The following ATP6V0E1 variants were observed in gnomAD, a reference collection of about 807,000 sequenced individuals.
ATP6V0E1 encodes the protein V-type proton ATPase subunit e 1.
Under a neutral mutation model 11.6 loss-of-function variants are expected in ATP6V0E1, and 4 were observed. The observed-to-expected ratio is 0.35, with a 90% confidence interval of 0.17 to 0.79. ATP6V0E1 has a LOEUF of 0.79. ATP6V0E1 is among the 30% of genes least tolerant of loss of function. ATP6V0E1 has a pLI of 0.54. For synonymous variants in ATP6V0E1, 36 were observed against 34.8 expected, an observed-to-expected ratio of 1.04 and a Z score of -0.13; for missense variants, 105 against 100.0, an observed-to-expected ratio of 1.05 and a Z score of -0.21.
At chr5:172,993,544 G>A (rs1756015398) in intron 1 of ATP6V0E1, among the ~76,000 whole-genome samples, 1 of 151,538 alleles carries the variant, frequency 6.6e-6, no homozygotes, top group African/African-American at 2.4e-5. Flanking sequence ...TAAAGGATGA[G>A]TTAAAAATAA....
intron 2 of ATP6V0E1, among the ~76,000 whole-genome samples, chr5:173,014,473 G>A (rs1260816271): frequency 7.2e-5 from 11 of 152,156 alleles, no homozygotes; most frequent in Admixed American, 7.2e-4. Flanking sequence ...CAATCTAAGT[G>A]TCTGTCAACA....
intron 2 of ATP6V0E1, among the ~76,000 whole-genome samples, chr5:173,006,086 A>G (rs894426267): frequency 6.6e-6 from 1 of 152,148 alleles, no homozygotes; most frequent in African/African-American, 2.4e-5. Context: ...GTAGTATTCT[A>G]TATCAGGTCA....
chr5:173,013,781 AT>A (rs1756365747), intron 2 of ATP6V0E1, among the ~76,000 whole-genome samples: 1 of 152,222 alleles, frequency 6.6e-6, no homozygotes, highest in Non-Finnish European at 1.5e-5. Flanking sequence ...AGTGCTCAAT[AT>A]TATTAATCAC....
chr5:172,989,427 G>A (rs1421247134), intron 1 of ATP6V0E1, among the ~76,000 whole-genome samples: 3 of 152,108 alleles, frequency 2.0e-5, no homozygotes, highest in Non-Finnish European at 2.9e-5. Flanking sequence ...GCATTCTGAT[G>A]TGCAGGGGTC....
At chr5:172,994,669 C>T (rs1756033572) in intron 1 of ATP6V0E1, 106 bp from the exon 2 acceptor site, 3 of 889,010 alleles carry the variant, frequency 3.4e-6, no homozygotes, top group Non-Finnish European at 5.1e-6. Context: ...TCTTGGTGTG[C>T]AATCCATGCC....
At chr5:172,993,109 G>T (rs887511667) in intron 1 of ATP6V0E1, among the ~76,000 whole-genome samples, 1 of 152,130 alleles carries the variant, frequency 6.6e-6, no homozygotes, top group African/African-American at 2.4e-5. Flanking sequence ...CAAGGCAGTG[G>T]TTTTTATCTG....
chr5:173,012,733 G>A (rs550879379), intron 2 of ATP6V0E1, among the ~76,000 whole-genome samples: 10 of 150,472 alleles, frequency 6.6e-5, no homozygotes, highest in African/African-American at 2.0e-4. Context: ...TCCAGGCTGG[G>A]CAATGAGTGA....
Position 172,995,172 on chromosome 5 carries a change from C to T in ATP6V0E1, c.152+350C>T, listed in dbSNP as rs532560081. Among the ~76,000 whole-genome samples the T allele has an allele frequency of 7.2e-5, 11 of 152,302 alleles. No homozygotes were observed. The South Asian group carries it at 1.0e-3, about 14-fold the overall frequency. Reference sequence around the variant, plus strand: ...AGGCTGCAGTGCAGTGGTGTGATCTCAGCTCACTGCAACCTCGGCCTCCTG... The same window carrying T: ...AGGCTGCAGTGCAGTGGTGTGATCTTAGCTCACTGCAACCTCGGCCTCCTG... On this transcript the variant is annotated intron_variant, in intron 2 of 3. Coordinates refer to ENST00000519374, the MANE Select transcript of ATP6V0E1 (RefSeq NM_003945.4).
chr5:173,016,222 G>T (rs1756397830), intron 2 of ATP6V0E1, among the ~76,000 whole-genome samples: 2 of 152,200 alleles, frequency 1.3e-5, no homozygotes, highest in Admixed American at 6.5e-5. Flanking sequence ...CCCTCACCCT[G>T]TGAGATCTGA....
intron 3 of ATP6V0E1, among the ~76,000 whole-genome samples, chr5:173,023,046 G>T (rs189395698): frequency 6.6e-6 from 1 of 151,928 alleles, no homozygotes; most frequent in African/African-American, 2.4e-5. Context: ...TTGTGGAAAT[G>T]AGGTCTCACC....
intron 2 of ATP6V0E1, among the ~76,000 whole-genome samples, chr5:173,017,376 A>G (rs756667390): frequency 3.7e-4 from 56 of 151,632 alleles, no homozygotes; most frequent in Non-Finnish European, 6.9e-4. Flanking sequence ...TTTACTAAAA[A>G]TACAAAAATT....
chr5:172,992,020 G>T (rs200165954), intron 1 of ATP6V0E1, among the ~76,000 whole-genome samples: 1 of 142,420 alleles, frequency 7.0e-6, no homozygotes, highest in Non-Finnish European at 1.5e-5. Flanking sequence ...CTGTCTTTCT[G>T]TCTTTCTTTC....
At chr5:173,031,410 C>T (rs2113617650) in intron 3 of ATP6V0E1, among the ~76,000 whole-genome samples, 1 of 146,980 alleles carries the variant, frequency 6.8e-6, no homozygotes. Flanking sequence ...TGATGGTAAC[C>T]TTATGACTCT....
intron 3 of ATP6V0E1, 85 bp from the exon 4 acceptor site, chr5:173,034,314 G>A (rs1756708127): frequency 1.4e-6 from 1 of 694,458 alleles, no homozygotes; most frequent in Non-Finnish European, 2.6e-6. Context: ...TTAAAGTGTT[G>A]GCTTGGTTAA....
At chr5:173,033,457 A>G (rs533764582) in intron 3 of ATP6V0E1, among the ~76,000 whole-genome samples, 1 of 152,322 alleles carries the variant, frequency 6.6e-6, no homozygotes, top group Admixed American at 6.5e-5. Context: ...GATTAAGTGA[A>G]AGATATTATG....
chr5:173,001,410 C>T (rs561584067), intron 2 of ATP6V0E1, among the ~76,000 whole-genome samples: 1 of 152,140 alleles, frequency 6.6e-6, no homozygotes, highest in Non-Finnish European at 1.5e-5. Flanking sequence ...CTTTAGCCCC[C>T]GTTGCTGTCC....
chr5:172,993,026 C>G (rs1425559532), intron 1 of ATP6V0E1, among the ~76,000 whole-genome samples: 2 of 151,752 alleles, frequency 1.3e-5, no homozygotes, highest in Non-Finnish European at 2.9e-5. Flanking sequence ...TCTCGAACTC[C>G]TGACCTCTTG....
At chr5:173,020,492 C>T in intron 3 of ATP6V0E1, 125 bp downstream of exon 3, 1 of 613,584 alleles carries the variant, frequency 1.6e-6, no homozygotes, top group South Asian at 2.0e-5. Context: ...CAAACACGAT[C>T]TGAAGAGCAG....
intron 2 of ATP6V0E1, among the ~76,000 whole-genome samples, chr5:173,000,585 G>A (rs1756137109): frequency 6.6e-6 from 1 of 152,082 alleles, no homozygotes; most frequent in Admixed American, 6.6e-5. Flanking sequence ...GTTCTTTTAG[G>A]CAAAAGGATA....
Sources: gnomAD v4.1 joint callset for allele counts (sites outside exome capture counted in the v4.1 genomes callset) on GRCh38, gnomAD v4.1.1 for gene constraint, MANE v1.5 for transcripts, NCBI Gene and HGNC (gene_info 2026-07-23, HGNC 2026-07-21) for gene names.